SPAG16: variants seen among roughly 807,000 people sequenced by gnomAD.
SPAG16 encodes sperm associated antigen 16.
SPAG16 carries 86 observed loss-of-function variants against 80.4 expected under a neutral mutation model. That is an observed-to-expected ratio of 1.07 (90% CI 0.90 to 1.28). The LOEUF (loss-of-function observed/expected upper bound fraction) is 1.28, where lower values mean the gene tolerates loss of function less well. SPAG16 is among the 50% of genes most tolerant of loss of function. The pLI, the probability that SPAG16 is intolerant of heterozygous loss-of-function variation, is 0.00. For missense variants in SPAG16, 870 were observed against 765.3 expected, an observed-to-expected ratio of 1.14 and a Z score of -1.61; for synonymous variants, 294 against 265.9, an observed-to-expected ratio of 1.11 and a Z score of -1.03.
chr2:213,869,895 A>G (rs1015995145), intron 11 of SPAG16, among the ~76,000 whole-genome samples: 1 of 152,172 alleles, frequency 6.6e-6, no homozygotes, highest in African/African-American at 2.4e-5. Context: ...GAAATTTGGA[A>G]TGGAGAGGAT....
intron 10 of SPAG16, among the ~76,000 whole-genome samples, chr2:213,752,712 A>C: frequency 6.6e-6 from 1 of 152,226 alleles, no homozygotes; most frequent in East Asian, 1.9e-4. Context: ...AAAGCTACAC[A>C]GTACACTAAA....
intron 10 of SPAG16, among the ~76,000 whole-genome samples, chr2:213,534,612 T>A (rs1276443149): frequency 6.6e-6 from 1 of 152,080 alleles, no homozygotes; most frequent in Non-Finnish European, 1.5e-5. Flanking sequence ...ACATACTCAT[T>A]GAAAGAAGCA....
intron 10 of SPAG16, among the ~76,000 whole-genome samples, chr2:213,682,465 A>T (rs2064442987): frequency 6.6e-6 from 1 of 152,234 alleles, no homozygotes; most frequent in Non-Finnish European, 1.5e-5. Context: ...AAGTGGCTCA[A>T]CAGTCAAAGA....
At chr2:214,177,591 C>A (rs1343987798) in intron 15 of SPAG16, among the ~76,000 whole-genome samples, 2 of 150,576 alleles carry the variant, frequency 1.3e-5, no homozygotes, top group Admixed American at 6.7e-5. Context: ...GAAATAAATT[C>A]TTTTGTCATC....
intron 9 of SPAG16, among the ~76,000 whole-genome samples, chr2:213,468,551 TTATA>T (rs891639827): frequency 3.8e-5 from 5 of 130,270 alleles, no homozygotes; most frequent in Non-Finnish European, 6.1e-5. Flanking sequence ...ATATATGTAT[TTATA>T]TATAGAGATA....
intron 11 of SPAG16, among the ~76,000 whole-genome samples, chr2:213,876,419 A>G (rs762960182): frequency 6.6e-6 from 1 of 152,042 alleles, no homozygotes; most frequent in Non-Finnish European, 1.5e-5. Flanking sequence ...GTGCACATCA[A>G]ATTCCCTTTG....
chr2:213,937,862 C>T (rs1027939), intron 12 of SPAG16, among the ~76,000 whole-genome samples: 113,559 of 151,878 alleles, frequency 0.75, 42,808 homozygotes, highest in South Asian at 0.86. Context: ...TTGATGTGAA[C>T]GTTCTTTGAT....
intron 11 of SPAG16, among the ~76,000 whole-genome samples, chr2:213,889,036 C>A (rs934152909): frequency 6.6e-6 from 1 of 151,676 alleles, no homozygotes; most frequent in Non-Finnish European, 1.5e-5. Flanking sequence ...ATTAAAAAAC[C>A]TTTAAGGGAT....
At chr2:213,463,897 T>A (rs901311719) in intron 9 of SPAG16, among the ~76,000 whole-genome samples, 1 of 152,220 alleles carries the variant, frequency 6.6e-6, no homozygotes. Context: ...TGACCATCTG[T>A]TCCACAGTGG....
chr2:213,507,323 C>G (rs2075007038), intron 10 of SPAG16, among the ~76,000 whole-genome samples: 1 of 152,170 alleles, frequency 6.6e-6, no homozygotes, highest in East Asian at 1.9e-4. Flanking sequence ...TGTTCTTGTA[C>G]TATTTAGTAT....
intron 15 of SPAG16, among the ~76,000 whole-genome samples, chr2:214,353,854 A>AAGTATGGTAGCATGTGTTTTGC (rs1698585040): frequency 6.6e-6 from 1 of 152,156 alleles, no homozygotes; most frequent in Non-Finnish European, 1.5e-5. Flanking sequence ...CTTGTGGTTC[A>AAGTATGGTAGCATGTGTTTTGC]AGTATGGTAG....
intron 10 of SPAG16, among the ~76,000 whole-genome samples, chr2:213,813,977 T>TGA (rs1424083298): frequency 1.3e-5 from 2 of 151,836 alleles, no homozygotes; most frequent in African/African-American, 2.4e-5. Flanking sequence ...GTCACAAGCC[T>TGA]GAGACACAGA....
intron 15 of SPAG16, among the ~76,000 whole-genome samples, chr2:214,382,919 T>G (rs1400626626): frequency 2.6e-5 from 4 of 152,116 alleles, no homozygotes; most frequent in Non-Finnish European, 5.9e-5. Context: ...GAGCTCTGAA[T>G]GTCACACAAC....
chr2:213,456,288 T>C (rs1221491609), intron 9 of SPAG16, among the ~76,000 whole-genome samples: 1 of 152,252 alleles, frequency 6.6e-6, no homozygotes, highest in Non-Finnish European at 1.5e-5. Flanking sequence ...CAAAAGTCTT[T>C]ATCTTTCACT....
intron 15 of SPAG16, among the ~76,000 whole-genome samples, chr2:214,302,878 G>GTCTTTTAT (rs1216678133): frequency 3.3e-5 from 5 of 152,136 alleles, no homozygotes; most frequent in African/African-American, 1.2e-4. Flanking sequence ...ATTATATAGT[G>GTCTTTTAT]TGCTTCTTTG....
At chr2:213,416,943 A>T (rs1454421570) in intron 9 of SPAG16, among the ~76,000 whole-genome samples, 2 of 152,228 alleles carry the variant, frequency 1.3e-5, no homozygotes, top group African/African-American at 4.8e-5. Flanking sequence ...CAGACTTAAC[A>T]GTTTAGAATT....
At chr2:213,777,747 G>A (rs192621605) in intron 10 of SPAG16, among the ~76,000 whole-genome samples, 2 of 152,176 alleles carry the variant, frequency 1.3e-5, no homozygotes, top group African/African-American at 4.8e-5. Context: ...GTGTTGGCCA[G>A]GCTGGTCTTG....
At chr2:213,479,252 C>T (rs2073614418) in intron 9 of SPAG16, among the ~76,000 whole-genome samples, 1 of 151,962 alleles carries the variant, frequency 6.6e-6, no homozygotes, top group African/African-American at 2.4e-5. Context: ...TCACCTTCTC[C>T]ATGAGGCCTC....
intron 15 of SPAG16, among the ~76,000 whole-genome samples, chr2:214,319,257 G>A (rs1364282754): frequency 3.6e-5 from 5 of 138,504 alleles, no homozygotes; most frequent in Non-Finnish European, 7.9e-5. Context: ...AGGTCAGGTT[G>A]TGTTTAGATT....
Sources: gnomAD v4.1 joint callset for allele counts (sites outside exome capture counted in the v4.1 genomes callset) on GRCh38, gnomAD v4.1.1 for gene constraint, MANE v1.5 for transcripts, NCBI Gene and HGNC (gene_info 2026-07-23, HGNC 2026-07-21) for gene names.